ANKFN1: variants seen among roughly 807,000 people sequenced by gnomAD.
The protein encoded by ANKFN1 is ankyrin repeat and fibronectin type III domain containing 1.
A neutral mutation model predicts 108.7 loss-of-function variants in ANKFN1; 74 were observed. The ratio of observed to expected loss-of-function variants is 0.68; its 90% CI spans 0.56 to 0.83. The LOEUF is 0.83. Among genes scored for constraint, ANKFN1 ranks in the 40% least tolerant of loss-of-function variants. ANKFN1 has a pLI of 0.00. For synonymous variants in ANKFN1, 547 were observed against 516.2 expected (o/e 1.06, Z -0.81); for missense variants, 1,505 against 1,382.3 (o/e 1.09, Z -1.41).
intron 8 of ANKFN1, among the ~76,000 whole-genome samples, chr17:56,426,621 C>T (rs902035192): frequency 6.6e-6 from 1 of 152,226 alleles, no homozygotes; most frequent in African/African-American, 2.4e-5. Flanking sequence ...GAGATAACTA[C>T]AGCACTTTCC....
intron 8 of ANKFN1, among the ~76,000 whole-genome samples, chr17:56,416,077 A>G (rs1275585204): frequency 1.3e-5 from 2 of 152,356 alleles, no homozygotes; most frequent in South Asian, 4.1e-4. Flanking sequence ...TGGATTAAAG[A>G]CTTAAATCTA....
chr17:56,393,547 T>A (rs1224637285), intron 8 of ANKFN1, among the ~76,000 whole-genome samples: 1 of 152,218 alleles, frequency 6.6e-6, no homozygotes, highest in Non-Finnish European at 1.5e-5. Context: ...CCTGGCTAGT[T>A]GTTGAGCTGA....
intron 1 of ANKFN1, among the ~76,000 whole-genome samples, chr17:56,186,050 G>A (rs749041909): frequency 7.2e-5 from 11 of 152,168 alleles, no homozygotes; most frequent in Admixed American, 4.6e-4. Context: ...TTGATGGCAC[G>A]CAGTTACAAA....
At chr17:56,199,417 C>G (rs1176589888) in intron 1 of ANKFN1, among the ~76,000 whole-genome samples, 2 of 151,924 alleles carry the variant, frequency 1.3e-5, no homozygotes, top group African/African-American at 4.8e-5. Context: ...TTTCTTTTCT[C>G]TTTTCCAATA....
chr17:56,444,517 G>A (rs756587528), intron 10 of ANKFN1, among the ~76,000 whole-genome samples: 2 of 151,988 alleles, frequency 1.3e-5, no homozygotes, highest in South Asian at 2.1e-4. Flanking sequence ...TAATCCTTGC[G>A]GCAATCTTTC....
At chr17:56,358,981 T>C (rs1448135495) in intron 6 of ANKFN1, among the ~76,000 whole-genome samples, 2 of 152,170 alleles carry the variant, frequency 1.3e-5, no homozygotes, top group Non-Finnish European at 2.9e-5. Context: ...AGTCTTGCCT[T>C]TCTGAGATGG....
chr17:56,299,451 C>G (rs1469698243), intron 3 of ANKFN1, among the ~76,000 whole-genome samples: 1 of 152,224 alleles, frequency 6.6e-6, no homozygotes, highest in Non-Finnish European at 1.5e-5. Context: ...CCTCCCCAAT[C>G]TTAGCAGAAA....
intron 8 of ANKFN1, among the ~76,000 whole-genome samples, chr17:56,410,065 T>C (rs1475555122): frequency 6.6e-6 from 1 of 152,186 alleles, no homozygotes; most frequent in Non-Finnish European, 1.5e-5. Context: ...GACAGAGTTT[T>C]CATTTTCTTT....
chr17:56,227,573 G>A (rs570238981), intron 2 of ANKFN1, among the ~76,000 whole-genome samples: 4 of 152,112 alleles, frequency 2.6e-5, no homozygotes, highest in Non-Finnish European at 5.9e-5. Context: ...AATGATGAGC[G>A]TCTAAGCCAC....
intron 3 of ANKFN1, among the ~76,000 whole-genome samples, chr17:56,310,858 T>A (rs1488622669): frequency 6.6e-6 from 1 of 151,726 alleles, no homozygotes; most frequent in East Asian, 2.0e-4. Context: ...GTACATTAGA[T>A]CTCTAGAACT....
intron 3 of ANKFN1, 71 bp from the exon 4 acceptor site, chr17:56,326,150 G>T (rs2045508795): frequency 1.3e-6 from 2 of 1,515,616 alleles, no homozygotes; most frequent in Non-Finnish European, 1.8e-6. Flanking sequence ...TTTGCATTAA[G>T]AGTATCTTCA....
At chr17:56,445,010 C>G (rs2049238189) in intron 10 of ANKFN1, among the ~76,000 whole-genome samples, 1 of 152,206 alleles carries the variant, frequency 6.6e-6, no homozygotes, top group South Asian at 2.1e-4. Context: ...GTCCCTGACT[C>G]TCCTGGCATT....
chr17:56,467,804 AAG>A (rs1491238122), intron 15 of ANKFN1, among the ~76,000 whole-genome samples: 1,004 of 25,778 alleles, frequency 0.039, 19 homozygotes, highest in African/African-American at 0.098. Flanking sequence ...GAAAGAAAGA[AAG>A]AAAGAAAGAA....
chr17:56,438,520 T>A (rs1170614163), intron 8 of ANKFN1, among the ~76,000 whole-genome samples: 2 of 152,156 alleles, frequency 1.3e-5, no homozygotes, highest in Non-Finnish European at 2.9e-5. Context: ...AGGAATAAAA[T>A]CATTCAATCT....
chr17:56,500,819 G>A (rs1196935816), intron 20 of ANKFN1, among the ~76,000 whole-genome samples: 1 of 152,040 alleles, frequency 6.6e-6, no homozygotes, highest in East Asian at 1.9e-4. Context: ...GGCTCTCTTC[G>A]AAGTAACAGG....
Position 56,510,978 on chromosome 17 carries a change from G to A in ANKFN1, c.3150G>A (p.Glu1050=). 3 of 1,536,014 alleles carry A rather than the reference G, an allele frequency of 2.0e-6. No individual in the cohort carries two copies. The highest frequency in any genetic ancestry group is 2.6e-6 in the Non-Finnish European group (3 of 1,146,858). The change falls in exon 21 of 21, where the codon GAG becomes GAA. Residue 1050 remains glutamate, a synonymous_variant. Transcript: ENST00000682825. ...QACGLAQEPK[E]AKRAGPALDD... ...GTGGTCTGGCCCAGGAGCCCAAGGAGGCCAAGCGGGCCGGCCCTGCCCTTG... is the reference window on the plus strand; with the variant it reads ...GTGGTCTGGCCCAGGAGCCCAAGGAAGCCAAGCGGGCCGGCCCTGCCCTTG...
chr17:56,317,939 A>G (rs144178576), intron 3 of ANKFN1, among the ~76,000 whole-genome samples: 45 of 152,280 alleles, frequency 3.0e-4, no homozygotes, highest in African/African-American at 1.0e-3. Context: ...CACGATACAC[A>G]TTGTCTCCCC....
chr17:56,348,113 GA>G (rs1275589293), intron 4 of ANKFN1, among the ~76,000 whole-genome samples: 2 of 151,826 alleles, frequency 1.3e-5, no homozygotes, highest in Non-Finnish European at 2.9e-5. Flanking sequence ...TATGAGAATG[GA>G]AAAAAATAAG....
At chr17:56,165,858 C>T (rs561407715) in intron 1 of ANKFN1, among the ~76,000 whole-genome samples, 5 of 152,210 alleles carry the variant, frequency 3.3e-5, no homozygotes, top group South Asian at 4.2e-4. Flanking sequence ...AATTGTTCCT[C>T]GTCTGTTGAA....
Sources: gnomAD v4.1 joint callset for allele counts (sites outside exome capture counted in the v4.1 genomes callset) on GRCh38, gnomAD v4.1.1 for gene constraint, MANE v1.5 for transcripts, NCBI Gene and HGNC (gene_info 2026-07-23, HGNC 2026-07-21) for gene names.